MNS1: variants seen among roughly 807,000 people sequenced by gnomAD.
The protein encoded by MNS1 is meiosis specific nuclear structural 1.
In MNS1, 63 loss-of-function variants were observed where a neutral mutation model predicts 72.0. That is an observed-to-expected ratio of 0.87 (90% CI 0.71 to 1.08). The LOEUF is 1.08. MNS1 is among the 50% of genes least tolerant of loss of function. MNS1 has a pLI of 0.00. For synonymous variants in MNS1, 188 were observed against 172.1 expected, an observed-to-expected ratio of 1.09 and a Z score of -0.72; for missense variants, 604 against 562.4, an observed-to-expected ratio of 1.07 and a Z score of -0.75.
intron 3 of MNS1, among the ~76,000 whole-genome samples, chr15:56,448,674 T>C (rs1262946430): frequency 3.3e-5 from 5 of 152,168 alleles, no homozygotes; most frequent in Non-Finnish European, 7.3e-5. Context: ...TTTGCTATTA[T>C]GAATAGCACA....
At chr15:56,444,792 C>T (rs1430560120) in intron 4 of MNS1, 119 bp from the exon 5 acceptor site, 2 of 929,466 alleles carry the variant, frequency 2.2e-6, no homozygotes, top group Non-Finnish European at 1.6e-6. Flanking sequence ...ATTTTTTCAT[C>T]TGTCTAGGTT....
intron 7 of MNS1, among the ~76,000 whole-genome samples, chr15:56,440,010 C>T (rs1567149842): frequency 6.6e-6 from 1 of 151,992 alleles, no homozygotes; most frequent in Non-Finnish European, 1.5e-5. Context: ...GCTAACCACC[C>T]ACCTGACAAA....
chr15:56,429,448 T>TTCTACAAGTTC (rs1161884907), intron 9 of MNS1: 3 of 333,980 alleles, frequency 9.0e-6, no homozygotes, highest in Non-Finnish European at 1.1e-5. Flanking sequence ...ATCTGAGCTC[T>TTCTACAAGTTC]TCTACAAGTT....
chr15:56,438,478 T>G (rs1391358472), intron 7 of MNS1, among the ~76,000 whole-genome samples: 1 of 152,076 alleles, frequency 6.6e-6, no homozygotes, highest in African/African-American at 2.4e-5. Flanking sequence ...CCTTACACCT[T>G]ATACAAAAAT....
In MNS1 at chr15:56,434,196, T is replaced by C; in HGVS notation, c.1211A>G (p.His404Arg). ...AQKQRMKQLE[H>R]RRAVEKLIEE... ...AATAAGTTTTTCCACAGCCCTCCTG[T>C]GTTCCAGCTGCTTCATTCTTTGTTT... Residue 404 changes from histidine (H) to arginine (R), a missense_variant, in exon 8 of 10, where the codon CAC becomes CGC. Coordinates refer to ENST00000260453, the MANE Select transcript of MNS1 (RefSeq NM_018365.4). 1 of 1,613,964 alleles carries C rather than the reference T, an allele frequency of 6.2e-7. No individual in the cohort carries two copies. The highest frequency in any genetic ancestry group is 1.7e-4 in the Middle Eastern group (1 of 6,058).
intron 8 of MNS1, among the ~76,000 whole-genome samples, chr15:56,432,338 G>C (rs1403916298): frequency 6.6e-6 from 1 of 152,138 alleles, no homozygotes; most frequent in Admixed American, 6.5e-5. Context: ...GAATAGCTTT[G>C]GTGTAGGAAA....
intron 7 of MNS1, among the ~76,000 whole-genome samples, chr15:56,439,712 C>T (rs1233963872): frequency 6.8e-6 from 1 of 146,964 alleles, no homozygotes; most frequent in African/African-American, 2.5e-5. Context: ...AAAATTAACT[C>T]AAAACAGATC....
chr15:56,445,580 A>G (rs1256661689), intron 4 of MNS1: 2 of 152,050 alleles, frequency 1.3e-5, no homozygotes, highest in Admixed American at 6.6e-5. Context: ...TGTACATGCT[A>G]TACTAAATTC....
At position 56,456,385 on chromosome 15, in the gene MNS1, C is replaced by T. The variant is rs200136549; in HGVS notation, c.353+9G>A. The T allele has an allele frequency of 6.3e-7, 1 of 1,596,286 alleles. No homozygotes were observed. Among genetic ancestry groups the T allele is most frequent in the African/African-American group, 1.4e-5 (1 of 73,566 alleles). ...ACTAAATAAATGAAATTTAGAGAAA[C>T]CAAGATACCTGTTTTCTCTTACTTG... On this transcript the variant is annotated intron_variant, in intron 3 of 9. Coordinates refer to ENST00000260453, the MANE Select transcript of MNS1 (RefSeq NM_018365.4).
intron 9 of MNS1, chr15:56,429,486 G>T (rs1325879952): frequency 3.5e-6 from 1 of 282,582 alleles, no homozygotes. Flanking sequence ...TAGATAGGAA[G>T]GCACTTCATC....
In MNS1 at chr15:56,435,666, C is replaced by T. The variant is rs567180114; in HGVS notation, c.1012-1271G>A. Among the ~76,000 whole-genome samples the T allele has an allele frequency of 2.2e-4, 34 of 151,940 alleles. 1 individual carries two copies. The highest frequency in any genetic ancestry group is 7.5e-4 in the African/African-American group (31 of 41,456). On this transcript the variant is annotated intron_variant, in intron 7 of 9. Coordinates refer to ENST00000260453, the MANE Select transcript of MNS1 (RefSeq NM_018365.4). The stretch of plus-strand genomic sequence containing the variant: ...AATAGTCCTATCACTATTAAGGAGA[C>T]GGAATTAATAACTTAAAATTCCTCC...
In MNS1 at chr15:56,443,332, C is replaced by A. The variant is rs2050850838; in HGVS notation, c.1011+98G>T. ...ATACCATTTACATATAATGTAATTA[C>A]CAGTATGGTTGGATTTAAATGTACT... On this transcript the variant is annotated intron_variant, in intron 7 of 9. Transcript: ENST00000260453. 5 of 836,752 alleles carry A rather than the reference C, an allele frequency of 6.0e-6. No homozygotes were observed. The East Asian group carries it at 1.1e-4, about 19-fold the overall frequency. 51.8% of individuals were successfully genotyped at this position (836,752 alleles called of 1,614,324 possible).
intron 3 of MNS1, among the ~76,000 whole-genome samples, chr15:56,448,416 G>C (rs1317470935): frequency 2.0e-5 from 3 of 152,128 alleles, no homozygotes; most frequent in African/African-American, 7.2e-5. Context: ...AGTTCACAGT[G>C]TCTGTTGTTC....
At chr15:56,444,213 G>A (rs1420621778) in intron 5 of MNS1, among the ~76,000 whole-genome samples, 1 of 151,986 alleles carries the variant, frequency 6.6e-6, no homozygotes, top group African/African-American at 2.4e-5. Flanking sequence ...AAAAACAAAG[G>A]TTTAGGTCAT....
intron 5 of MNS1, 41 bp downstream of exon 5, chr15:56,444,403 A>G: frequency 2.6e-6 from 4 of 1,537,104 alleles, no homozygotes; most frequent in Non-Finnish European, 3.5e-6. Flanking sequence ...ATATATCTAA[A>G]GTAAACATTT....
intron 8 of MNS1, among the ~76,000 whole-genome samples, chr15:56,433,124 A>G (rs1207181476): frequency 6.6e-6 from 1 of 152,076 alleles, no homozygotes; most frequent in Non-Finnish European, 1.5e-5. Context: ...ACAAAATAGA[A>G]TTATTTGCAC....
At chr15:56,432,312 AT>A (rs1452622623) in intron 8 of MNS1, among the ~76,000 whole-genome samples, 3 of 152,208 alleles carry the variant, frequency 2.0e-5, no homozygotes, top group Non-Finnish European at 4.4e-5. Flanking sequence ...CAACTTATCC[AT>A]TTAGGACAAA....
In MNS1 at chr15:56,463,884, G is replaced by A. The variant is rs1378008239; in HGVS notation, c.225+142C>T. On this transcript the variant is annotated intron_variant, in intron 2 of 9. Coordinates refer to ENST00000260453, the MANE Select transcript of MNS1 (RefSeq NM_018365.4). ...CGGCTCCAGAAACCCAGGTCTTTAC[G>A]ATTACACCGAGCTGAGGCACAATCA... The A allele has an allele frequency of 2.7e-5, 18 of 667,288 alleles. No individual in the cohort carries two copies. In the Admixed American group the frequency reaches 5.6e-4, roughly 21 times the overall value. The allele number at this position is 667,288 out of a possible 1,614,324, so 41.3% of individuals were successfully genotyped here. A position where few individuals can be genotyped will look rare whatever the true frequency, so the allele number is the denominator to read the frequency against.
At position 56,453,102 on chromosome 15, in the gene MNS1, T is replaced by C. The variant is rs559632750; in HGVS notation, c.353+3292A>G. Among the ~76,000 whole-genome samples the C allele has an allele frequency of 3.9e-5, 6 of 152,362 alleles. No individual in the cohort carries two copies. In the South Asian group the frequency reaches 1.2e-3, roughly 32 times the overall value. On this transcript the variant is annotated intron_variant, in intron 3 of 9. Coordinates refer to ENST00000260453, the MANE Select transcript of MNS1 (RefSeq NM_018365.4). ...GCATGTTTCTTTGTTTCCAGGTGAA[T>C]AAATTTATTCATTATTATTTGACAA...
Sources: allele counts gnomAD v4.1 joint callset (sites outside exome capture counted in the v4.1 genomes callset), GRCh38; gene constraint gnomAD v4.1.1; transcripts MANE v1.5; gene names NCBI Gene and HGNC (gene_info 2026-07-23, HGNC 2026-07-21).